Variants in DENND2A observed in about 807,000 individuals in gnomAD.
The protein encoded by DENND2A is DENN domain containing 2A.
Under a neutral mutation model 105.3 loss-of-function variants are expected in DENND2A, and 53 were observed. That is an observed-to-expected ratio of 0.50 (90% CI 0.40 to 0.63). The LOEUF (loss-of-function observed/expected upper bound fraction) is 0.63. DENND2A is among the 30% of genes least tolerant of loss of function. DENND2A has a pLI of 0.00. For missense variants in DENND2A, 1,138 were observed against 1,279.6 expected (o/e 0.89, Z 1.69); for synonymous variants, 522 against 508.4 (o/e 1.03, Z -0.36).
At chr7:140,594,755 G>C (rs1462548776) in intron 3 of DENND2A, among the ~76,000 whole-genome samples, 1 of 152,150 alleles carries the variant, frequency 6.6e-6, no homozygotes, top group Non-Finnish European at 1.5e-5. Flanking sequence ...TTTTCGCTCT[G>C]TCGCCAGGCT....
intron 3 of DENND2A, among the ~76,000 whole-genome samples, chr7:140,592,662 C>T (rs985642446): frequency 6.6e-6 from 1 of 151,054 alleles, no homozygotes; most frequent in Non-Finnish European, 1.5e-5. Context: ...GGCAGTGGGG[C>T]GATCTCAGCT....
chr7:140,637,313 A>G (rs1800982941), intron 1 of DENND2A, among the ~76,000 whole-genome samples: 1 of 152,234 alleles, frequency 6.6e-6, no homozygotes, highest in Non-Finnish European at 1.5e-5. Context: ...CTGAATGTCA[A>G]TTTACGACAG....
In DENND2A at chr7:140,525,759, G is replaced by A; in HGVS notation, c.2539C>T (p.Leu847Phe). The change falls in exon 16 of 20, where the codon CTC becomes TTC. Residue 847 changes from leucine to phenylalanine, a missense_variant. Leu to Phe is a conservative substitution (Grantham distance 22). Coordinates refer to ENST00000496613, the MANE Select transcript of DENND2A (RefSeq NM_015689.5). ...LVVDLVNSRF[L>F]RQMDDEDSIL... Reference sequence around the variant, plus strand: ...TCGCTGGCCTCACTCACCTGTCTGAGGAACCGGCTGTTGACGAGGTCAACC... The same window carrying A: ...TCGCTGGCCTCACTCACCTGTCTGAAGAACCGGCTGTTGACGAGGTCAACC... 6.2e-7 allele frequency: 1 copy of A among 1,606,780 alleles called. No homozygotes were observed. The highest frequency in any genetic ancestry group is 1.1e-5 in the South Asian group (1 of 89,340).
intron 14 of DENND2A, 141 bp downstream of exon 14, chr7:140,544,477 G>T: frequency 9.2e-7 from 1 of 1,089,432 alleles, no homozygotes; most frequent in Non-Finnish European, 1.4e-6. Flanking sequence ...TTACAGGTGT[G>T]AGTCACCGCG....
At chr7:140,526,399 C>T (rs377121765) in intron 15 of DENND2A, among the ~76,000 whole-genome samples, 222 of 152,326 alleles carry the variant, frequency 1.5e-3, no homozygotes, top group Non-Finnish European at 1.8e-3. Context: ...CTCCTGAGAG[C>T]GCGACCCTCA....
chr7:140,626,175 C>T (rs953568024), intron 1 of DENND2A, among the ~76,000 whole-genome samples: 4 of 152,220 alleles, frequency 2.6e-5, no homozygotes, highest in Non-Finnish European at 5.9e-5. Context: ...ACTCCTCAAT[C>T]CAGATTAGGA....
At chr7:140,565,238 C>T (rs1226777177) in intron 9 of DENND2A, among the ~76,000 whole-genome samples, 1 of 151,912 alleles carries the variant, frequency 6.6e-6, no homozygotes. Context: ...CCTGAGTGGG[C>T]AAGGACAGAA....
At chr7:140,635,146 C>T (rs1217092172) in intron 1 of DENND2A, among the ~76,000 whole-genome samples, 1 of 151,774 alleles carries the variant, frequency 6.6e-6, no homozygotes, top group Admixed American at 6.6e-5. Flanking sequence ...ACCTATAGTC[C>T]CCGCTACTCA....
At chr7:140,624,366 C>CAA (rs1800422435) in intron 1 of DENND2A, among the ~76,000 whole-genome samples, 1 of 120,894 alleles carries the variant, frequency 8.3e-6, no homozygotes, top group Non-Finnish European at 1.8e-5. Flanking sequence ...ACAACAACAA[C>CAA]ACAACAACAA....
intron 1 of DENND2A, among the ~76,000 whole-genome samples, chr7:140,620,579 GA>G (rs1032160286): frequency 6.6e-6 from 1 of 152,160 alleles, no homozygotes; most frequent in Non-Finnish European, 1.5e-5. Context: ...CAGCAGGGGA[GA>G]GGGGGAATAT....
intron 5 of DENND2A, among the ~76,000 whole-genome samples, chr7:140,576,467 A>C (rs1300216370): frequency 1.3e-5 from 2 of 152,110 alleles, no homozygotes; most frequent in Non-Finnish European, 2.9e-5. Context: ...TTTTCCCCCA[A>C]AATAACTTAT....
chr7:140,590,844 G>C (rs1215304866), intron 3 of DENND2A, among the ~76,000 whole-genome samples: 1 of 150,918 alleles, frequency 6.6e-6, no homozygotes, highest in Non-Finnish European at 1.5e-5. Context: ...TTGCACTCCA[G>C]CCTGGGTGAG....
intron 1 of DENND2A, among the ~76,000 whole-genome samples, chr7:140,631,310 G>A (rs1477865195): frequency 6.6e-6 from 1 of 152,154 alleles, no homozygotes; most frequent in Non-Finnish European, 1.5e-5. Context: ...GGTCCCAAAA[G>A]GAGCATTCTC....
In DENND2A at chr7:140,527,797, C is replaced by T. The variant is rs1179769869; in HGVS notation, c.2328-302G>A. 6.7e-6 allele frequency among the ~76,000 whole-genome samples: 1 copy of T among 149,892 alleles called. No individual in the cohort carries two copies. Among genetic ancestry groups the T allele is most frequent in the African/African-American group, 2.5e-5 (1 of 39,414 alleles). ...CCCTGACCTTTTTTTGTGATCTATACTCTTGTAAGGTTTTTATTTATTATT... is the reference window on the plus strand; with the variant it reads ...CCCTGACCTTTTTTTGTGATCTATATTCTTGTAAGGTTTTTATTTATTATT... On this transcript the variant is annotated intron_variant, in intron 14 of 19. Coordinates refer to ENST00000496613, the MANE Select transcript of DENND2A (RefSeq NM_015689.5). This position sits in a 1 kb window ranked among gnomAD's most constrained non-coding sequence, Gnocchi z 4.9.
At chr7:140,534,759 AAG>A (rs1485991157) in intron 14 of DENND2A, among the ~76,000 whole-genome samples, 1 of 152,088 alleles carries the variant, frequency 6.6e-6, no homozygotes, top group Non-Finnish European at 1.5e-5. Flanking sequence ...AAGACATAGA[AAG>A]AGAGTCCTCA....
intron 1 of DENND2A, among the ~76,000 whole-genome samples, chr7:140,621,933 G>C (rs1273975289): frequency 6.6e-6 from 1 of 152,168 alleles, no homozygotes; most frequent in Non-Finnish European, 1.5e-5. Context: ...ACCAGCCACT[G>C]AATGAAAAGC....
intron 1 of DENND2A, among the ~76,000 whole-genome samples, chr7:140,614,382 G>A (rs908634601): frequency 6.6e-6 from 1 of 152,200 alleles, no homozygotes; most frequent in Non-Finnish European, 1.5e-5. Context: ...TGGAATTACA[G>A]GTGTGAGCCA....
chr7:140,636,944 C>T (rs538292407), intron 1 of DENND2A, among the ~76,000 whole-genome samples: 1 of 152,072 alleles, frequency 6.6e-6, no homozygotes, highest in African/African-American at 2.4e-5. Flanking sequence ...CATGCAACCT[C>T]CGCCTCCTGG....
chr7:140,563,712 A>T (rs948304777), intron 9 of DENND2A, among the ~76,000 whole-genome samples: 1 of 141,768 alleles, frequency 7.1e-6, no homozygotes, highest in South Asian at 2.3e-4. Context: ...AAAGCCAGGC[A>T]CAGTGGATCC....
Sources: gnomAD v4.1 joint callset for allele counts (sites outside exome capture counted in the v4.1 genomes callset) on GRCh38, gnomAD v4.1.1 for gene constraint, Gnocchi (gnomAD v3.1) non-coding constraint, MANE v1.5 for transcripts, NCBI Gene and HGNC (gene_info 2026-07-23, HGNC 2026-07-21) for gene names.